The following LAMA3 variants were observed in gnomAD, a reference collection of about 807,000 sequenced individuals.
LAMA3 encodes the protein laminin subunit alpha-3.
A neutral mutation model predicts 402.0 loss-of-function variants in LAMA3; 281 were observed. The ratio of observed to expected loss-of-function variants is 0.70; its 90% CI spans 0.63 to 0.77. The LOEUF (loss-of-function observed/expected upper bound fraction) is 0.77, where lower values mean the gene tolerates loss of function less well. Ranked by LOEUF, LAMA3 falls within the 30% of genes least tolerant of loss-of-function variation. LAMA3 has a pLI of 0.00. For missense variants in LAMA3, 3,840 were observed against 4,215.5 expected, an observed-to-expected ratio of 0.91 and a Z score of 2.47; for synonymous variants, 1,431 against 1,558.4, an observed-to-expected ratio of 0.92 and a Z score of 1.93.
chr18:23,756,328 C>T (rs1399977081), intron 6 of LAMA3, among the ~76,000 whole-genome samples: 1 of 151,588 alleles, frequency 6.6e-6, no homozygotes, highest in Non-Finnish European at 1.5e-5. Flanking sequence ...TTAATAGTCT[C>T]GGGTCTTTAT....
Position 23,931,185 on chromosome 18 carries a change from A to G in LAMA3, c.8560A>G (p.Ile2854Val). 6.2e-7 allele frequency: 1 copy of G among 1,612,848 alleles called. No homozygotes were observed. Among genetic ancestry groups the G allele is most frequent in the Non-Finnish European group, 8.5e-7 (1 of 1,178,802 alleles). ...TGGTTTACTGCATTATGTATCTGTA[A>G]TAAGCGACAACTCTGGGTGAGTGGA... ...MDGLLHYVSV[I>V]SDNSGLRLLI... is the part of the protein sequence containing the mutation. Residue 2854 changes from isoleucine (I) to valine (V), a missense_variant, in exon 65 of 75, where the codon ATA (isoleucine) becomes GTA (valine). By Grantham distance (29) the Ile-to-Val change is conservative. Transcript: ENST00000313654.
chr18:23,914,340 C>T (rs1467511955), intron 56 of LAMA3, 70 bp from the exon 57 acceptor site: 2 of 1,549,826 alleles, frequency 1.3e-6, no homozygotes, highest in Admixed American at 3.3e-5. Context: ...GAAATGCATC[C>T]TCATCCTCTT....
Position 23,915,269 on chromosome 18 carries a change from A to G in LAMA3, c.7645-20A>G, listed in dbSNP as rs747363245. ...TTGTCCTTTGTTCAATTGGTGGAAG[A>G]TGTTTTATTTCATTTTCAGCTTCCC... On this transcript the variant is annotated intron_variant, in intron 58 of 74. Transcript: ENST00000313654. 19 of 1,612,162 alleles carry G rather than the reference A, an allele frequency of 1.2e-5. No homozygotes were observed. The highest frequency in any genetic ancestry group is 1.6e-5 in the Non-Finnish European group (19 of 1,179,064).
chr18:23,915,375 C>G lies in LAMA3; in HGVS notation c.7731C>G (p.Phe2577Leu), dbSNP rs192815345. 6.8e-6 allele frequency: 11 copies of G among 1,613,504 alleles called. No homozygotes were observed. In the East Asian group the frequency reaches 2.5e-4, roughly 36 times the overall value. Residue 2577 changes from phenylalanine (F) to leucine (L), a missense_variant, in exon 59 of 75, where the codon TTC becomes TTG. Phe to Leu is a conservative substitution (Grantham distance 22). Transcript: ENST00000313654. The part of the protein sequence containing the change: ...LNENVLSLYN[F>L]KKTFNLNTTE... ...AAAATGTTCTGAGCTTGTACAACTT[C>G]AAAAAAACATTCAATCTCAACACAA... is the stretch of plus-strand genomic sequence containing the variant.
intron 41 of LAMA3, among the ~76,000 whole-genome samples, chr18:23,889,661 G>A (rs906927876): frequency 8.7e-5 from 10 of 115,052 alleles, no homozygotes; most frequent in Admixed American, 8.4e-4. Flanking sequence ...GAAGGGAGGA[G>A]GGAGGGGGGA....
intron 12 of LAMA3, among the ~76,000 whole-genome samples, chr18:23,786,893 C>T (rs2062555559): frequency 6.6e-6 from 1 of 152,064 alleles, no homozygotes; most frequent in Admixed American, 6.5e-5. Context: ...AGTGGCTCAA[C>T]AGTAAATTGA....
intron 16 of LAMA3, 98 bp from the exon 17 acceptor site, chr18:23,815,370 C>A: frequency 1.5e-6 from 2 of 1,348,414 alleles, no homozygotes; most frequent in Non-Finnish European, 2.1e-6. Context: ...ATCCTGGCTA[C>A]ACTGCTTCCT....
intron 1 of LAMA3, among the ~76,000 whole-genome samples, chr18:23,701,391 C>T (rs963791019): frequency 1.3e-5 from 2 of 152,156 alleles, no homozygotes; most frequent in African/African-American, 4.8e-5. Flanking sequence ...GCTCATGGAA[C>T]ACATGGATTT....
intron 67 of LAMA3, among the ~76,000 whole-genome samples, chr18:23,936,209 A>AATTTTT (rs1472923746): frequency 6.6e-6 from 1 of 151,158 alleles, no homozygotes; most frequent in African/African-American, 2.4e-5. Flanking sequence ...ATATTAACTA[A>AATTTTT]ATTTTTATTT....
chr18:23,774,099 C>T (rs1198796819), intron 9 of LAMA3, among the ~76,000 whole-genome samples: 1 of 152,030 alleles, frequency 6.6e-6, no homozygotes, highest in Non-Finnish European at 1.5e-5. Flanking sequence ...GGTGCTCACC[C>T]GTAATCCTAG....
At chr18:23,783,765 T>C (rs1277582257) in intron 11 of LAMA3, among the ~76,000 whole-genome samples, 1 of 152,188 alleles carries the variant, frequency 6.6e-6, no homozygotes, top group Non-Finnish European at 1.5e-5. Flanking sequence ...AATAAAATGT[T>C]TCCACAGGAA....
At chr18:23,699,199 T>G (rs1167187095) in intron 1 of LAMA3, among the ~76,000 whole-genome samples, 1 of 152,254 alleles carries the variant, frequency 6.6e-6, no homozygotes, top group East Asian at 1.9e-4. Context: ...ATGCTTGGTG[T>G]GTTCCAGGAA....
chr18:23,918,826 T>C lies in LAMA3; in HGVS notation c.7924-2109T>C, dbSNP rs2145288405. 6.6e-6 allele frequency among the ~76,000 whole-genome samples: 1 copy of C among 152,280 alleles called. No homozygotes were observed. Among genetic ancestry groups the C allele is most frequent in the South Asian group, 2.1e-4 (1 of 4,810 alleles). ...AGCTTGGGATTTTACCAGAGTCTTC[T>C]ACCGCAGGGTGGTGACACTGACCCG... is the stretch of plus-strand genomic sequence containing the variant. On this transcript the variant is annotated intron_variant, in intron 60 of 74. Transcript: ENST00000313654. The surrounding 1 kb of genome is among the most constrained non-coding windows in gnomAD (Gnocchi z 4.1).
intron 1 of LAMA3, among the ~76,000 whole-genome samples, chr18:23,693,671 TA>T (rs1481291897): frequency 6.6e-6 from 1 of 152,258 alleles, no homozygotes. Context: ...TTTTAATAAC[TA>T]GATATTATTT....
chr18:23,861,487 C>T (rs1483156868), intron 34 of LAMA3, among the ~76,000 whole-genome samples, 159 bp from the exon 35 acceptor site: 1 of 152,180 alleles, frequency 6.6e-6, no homozygotes, highest in African/African-American at 2.4e-5. Flanking sequence ...TCAGACGGGG[C>T]TCTGGCTCGG....
At chr18:23,947,361 C>T (rs1021853812) in intron 70 of LAMA3, among the ~76,000 whole-genome samples, 4 of 152,188 alleles carry the variant, frequency 2.6e-5, no homozygotes, top group African/African-American at 4.8e-5. Context: ...GACTGTCCTC[C>T]GCCTTAATGC....
intron 35 of LAMA3, among the ~76,000 whole-genome samples, chr18:23,863,294 A>T (rs2144753511): frequency 6.6e-6 from 1 of 152,294 alleles, no homozygotes; most frequent in Admixed American, 6.5e-5. Context: ...AAAATACAAA[A>T]ATTAGCTGGG....
In LAMA3 at chr18:23,837,023, C is replaced by G. The variant is rs372276274; in HGVS notation, c.3027C>G (p.Ile1009Met). 4 of 1,614,016 alleles carry G rather than the reference C, an allele frequency of 2.5e-6. No individual in the cohort carries two copies. The South Asian group carries it at 4.4e-5, about 18-fold the overall frequency. Residue 1009 changes from isoleucine to methionine, a missense_variant, in exon 25 of 75, where the codon ATC (isoleucine) becomes ATG (methionine). Ile to Met is a conservative substitution (Grantham distance 10, BLOSUM62 1). Around this residue, in one of 3 missense-constraint regions of LAMA3, gnomAD observed 2,109 missense variants for 2,376.0 expected, o/e 0.89. Transcript: ENST00000313654. ...CTGTGATTGATCACATGAGCCGCATCGCCATGTATGAGCTATTGGCAGATG... is the reference window on the plus strand; with the variant it reads ...CTGTGATTGATCACATGAGCCGCATGGCCATGTATGAGCTATTGGCAGATG... ...RSAVIDHMSR[I>M]AMYELLADAD...
intron 21 of LAMA3, among the ~76,000 whole-genome samples, chr18:23,824,995 T>G (rs1178916770): frequency 6.6e-6 from 1 of 152,120 alleles, no homozygotes; most frequent in Non-Finnish European, 1.5e-5. Flanking sequence ...CTACACTGTC[T>G]GGAGATTGTG....
Sources: allele counts gnomAD v4.1 joint callset (sites outside exome capture counted in the v4.1 genomes callset), GRCh38; gene constraint gnomAD v4.1.1; regional missense constraint gnomAD v4.1.1; non-coding constraint Gnocchi (gnomAD v3.1); transcripts MANE v1.5; gene names NCBI Gene and HGNC (gene_info 2026-07-23, HGNC 2026-07-21).